ATP10A: variants seen among roughly 807,000 people sequenced by gnomAD.
ATP10A encodes the protein phospholipid-transporting ATPase VA.
In ATP10A, 111 loss-of-function variants were observed where a neutral mutation model predicts 147.8. The ratio of observed to expected loss-of-function variants is 0.75; its 90% confidence interval spans 0.64 to 0.88. The LOEUF (loss-of-function observed/expected upper bound fraction) is 0.88, where lower values mean the gene tolerates loss of function less well. ATP10A is among the 40% of genes least tolerant of loss of function. The pLI is 0.00. For synonymous variants in ATP10A, 875 were observed against 841.6 expected (o/e 1.04, Z -0.69); for missense variants, 1,927 against 1,959.0 (o/e 0.98, Z 0.31).
chr15:25,794,893 T>A (rs908566833), intron 1 of ATP10A, among the ~76,000 whole-genome samples: 12 of 152,110 alleles, frequency 7.9e-5, no homozygotes, highest in Non-Finnish European at 1.8e-4. Flanking sequence ...CTGGAAGGTG[T>A]GCCATTCCCA....
rs1567323628 is a variant in ATP10A at position 25,713,757 on chromosome 15, C to T, written c.2261G>A (p.Arg754Gln). 5.0e-6 allele frequency: 8 copies of T among 1,614,080 alleles called. No homozygotes were observed. Among genetic ancestry groups the T allele is most frequent in the Non-Finnish European group, 6.8e-6 (8 of 1,180,026 alleles). Residue 754 changes from arginine (R) to glutamine (Q), a missense_variant, in exon 10 of 21, where the codon CGG (arginine) becomes CAG (glutamine). Arg to Gln is a conservative substitution (Grantham distance 43). Coordinates refer to ENST00000555815, the MANE Select transcript of ATP10A (RefSeq NM_024490.4). The stretch of plus-strand genomic sequence containing the variant: ...GTTGATCTCATCGGTAAGCGGGTGC[C>T]GGATCACCACTGACATCCTCTTGCG... ...SVRKRMSVVI[R>Q]HPLTDEINVY...
intron 1 of ATP10A, among the ~76,000 whole-genome samples, chr15:25,824,350 T>G (rs998486499): frequency 2.0e-5 from 3 of 151,554 alleles, no homozygotes; most frequent in African/African-American, 7.3e-5. Flanking sequence ...GGTGTACACT[T>G]GTGGTCCCAG....
intron 3 of ATP10A, among the ~76,000 whole-genome samples, chr15:25,734,076 A>G (rs4365261): frequency 0.69 from 104,765 of 151,840 alleles, 38,756 homozygotes; most frequent in Non-Finnish European, 0.84. Flanking sequence ...GGCTGAGCGC[A>G]GGGCGGAGAC....
Position 25,718,163 on chromosome 15 carries a change from G to A in ATP10A, c.1581+19C>T. 1 of 1,605,418 alleles carries A rather than the reference G, an allele frequency of 6.2e-7. No homozygotes were observed. Among genetic ancestry groups the A allele is most frequent in the Non-Finnish European group, 8.5e-7 (1 of 1,173,812 alleles). ...GAAGAGACGTGGCAGCACCCTAGCAGGAGGCCCTGTACACTCACCATGGGG... is the reference window on the plus strand; with the variant it reads ...GAAGAGACGTGGCAGCACCCTAGCAAGAGGCCCTGTACACTCACCATGGGG... On this transcript the variant is annotated intron_variant, in intron 8 of 20. Coordinates refer to ENST00000555815, the MANE Select transcript of ATP10A (RefSeq NM_024490.4).
chr15:25,690,242 A>T (rs8025561), intron 15 of ATP10A, among the ~76,000 whole-genome samples: 1,995 of 117,300 alleles, frequency 0.017, 21 homozygotes, highest in African/African-American at 0.051. Flanking sequence ...CTTTTTTTTA[A>T]AAAAAAAAAA....
At chr15:25,673,008 T>C (rs923334611), downstream of ATP10A, among the ~76,000 whole-genome samples, 4 of 151,990 alleles carry the variant, frequency 2.6e-5, no homozygotes, top group African/African-American at 4.8e-5. Flanking sequence ...CGTAACATCC[T>C]GGGGTGGGAC....
chr15:25,694,735 T>C (rs1900217044), intron 14 of ATP10A, 84 bp downstream of exon 14: 2 of 1,217,822 alleles, frequency 1.6e-6, no homozygotes, highest in Admixed American at 2.5e-5. Context: ...GGAAGTGTTT[T>C]CCCATCTCGT....
chr15:25,747,937 A>G (rs779526295), intron 2 of ATP10A, among the ~76,000 whole-genome samples: 21 of 152,154 alleles, frequency 1.4e-4, no homozygotes, highest in Non-Finnish European at 2.6e-4. Context: ...ACAAAAGTAC[A>G]AGTCTATCTT....
chr15:25,833,635 T>C (rs1350422876), intron 1 of ATP10A, among the ~76,000 whole-genome samples: 2 of 152,208 alleles, frequency 1.3e-5, no homozygotes, highest in East Asian at 3.9e-4. Context: ...TCAGTTCCTA[T>C]GTTACTCCTG....
chr15:25,737,355 G>A (rs1887343957), intron 2 of ATP10A, among the ~76,000 whole-genome samples: 1 of 152,222 alleles, frequency 6.6e-6, no homozygotes, highest in Non-Finnish European at 1.5e-5. Flanking sequence ...AAGGCAGTGA[G>A]TTCCAGAGAA....
At chr15:25,732,955 TAGG>T (rs1244373663) in intron 3 of ATP10A, among the ~76,000 whole-genome samples, 5 of 152,088 alleles carry the variant, frequency 3.3e-5, no homozygotes, top group Non-Finnish European at 5.9e-5. Flanking sequence ...CCTCCAGGAT[TAGG>T]AGAAGGCCGG....
chr15:25,856,375 G>C (rs1268064757), intron 1 of ATP10A, among the ~76,000 whole-genome samples: 3 of 152,108 alleles, frequency 2.0e-5, no homozygotes, highest in African/African-American at 7.2e-5. Flanking sequence ...TAAGTTTCCT[G>C]AGGCCTCCCC....
chr15:25,741,315 G>A (rs1394361352), intron 2 of ATP10A, among the ~76,000 whole-genome samples: 3 of 152,098 alleles, frequency 2.0e-5, no homozygotes, highest in Admixed American at 2.0e-4. Flanking sequence ...CTCCGTGCTG[G>A]GCTCTTGGGG....
At chr15:25,857,213 G>A (rs960922719) in intron 1 of ATP10A, among the ~76,000 whole-genome samples, 3 of 152,192 alleles carry the variant, frequency 2.0e-5, no homozygotes, top group African/African-American at 7.2e-5. Flanking sequence ...GGAGGTCAAG[G>A]AAGGAAGACA....
At chr15:25,819,291 G>A (rs1174991532) in intron 1 of ATP10A, among the ~76,000 whole-genome samples, 1 of 152,056 alleles carries the variant, frequency 6.6e-6, no homozygotes, top group Non-Finnish European at 1.5e-5. Context: ...TTCAAAACTA[G>A]ACATATAAAT....
intron 1 of ATP10A, among the ~76,000 whole-genome samples, chr15:25,807,396 G>T (rs1055277931): frequency 2.0e-5 from 3 of 152,260 alleles, no homozygotes; most frequent in African/African-American, 7.2e-5. Flanking sequence ...ATTAAAGTGA[G>T]CTTCGCTAGC....
intron 12 of ATP10A, among the ~76,000 whole-genome samples, chr15:25,703,461 C>T (rs947395595): frequency 6.6e-6 from 1 of 152,260 alleles, no homozygotes; most frequent in Admixed American, 6.5e-5. Flanking sequence ...GGAGATCCCA[C>T]ACCAGACATT....
intron 1 of ATP10A, among the ~76,000 whole-genome samples, chr15:25,788,820 T>C (rs1338846280): frequency 6.6e-6 from 1 of 152,218 alleles, no homozygotes; most frequent in Non-Finnish European, 1.5e-5. Context: ...TTAGTATCAT[T>C]CTGTATTATT....
At chr15:25,808,383 AGTTTT>A (rs1169107314) in intron 1 of ATP10A, among the ~76,000 whole-genome samples, 1 of 138,598 alleles carries the variant, frequency 7.2e-6, no homozygotes, top group Non-Finnish European at 1.6e-5. Flanking sequence ...GTGTGAGAAC[AGTTTT>A]GTTTTGTTTT....
Sources: gnomAD v4.1 joint callset for allele counts (sites outside exome capture counted in the v4.1 genomes callset) on GRCh38, gnomAD v4.1.1 for gene constraint, MANE v1.5 for transcripts, NCBI Gene and HGNC (gene_info 2026-07-23, HGNC 2026-07-21) for gene names.